Variants in PCSK1 observed in about 807,000 individuals in gnomAD.
PCSK1 encodes the protein proprotein convertase subtilisin/kexin type 1, also known as neuroendocrine convertase 1.
Under a neutral mutation model 90.6 loss-of-function variants are expected in PCSK1, and 56 were observed. That is an observed-to-expected ratio of 0.62 (90% CI 0.50 to 0.77). The LOEUF is 0.77. Among genes scored for constraint, PCSK1 ranks in the 30% least tolerant of loss-of-function variants. The probability of loss-of-function intolerance (pLI) is 0.00; values close to 1 mark genes in which losing one functional copy is unlikely to be tolerated. For synonymous variants in PCSK1, 348 were observed against 342.4 expected (o/e 1.02, Z -0.18); for missense variants, 801 against 932.6 (o/e 0.86, Z 1.84).
intron 5 of PCSK1, among the ~76,000 whole-genome samples, chr5:96,419,963 T>A (rs1761067719): frequency 1.3e-5 from 2 of 151,950 alleles, no homozygotes; most frequent in Admixed American, 1.3e-4. Flanking sequence ...CACTGGATCC[T>A]GGGGCCAGAC....
chr5:96,409,246 C>A (rs188192991), intron 8 of PCSK1, among the ~76,000 whole-genome samples: 1 of 152,064 alleles, frequency 6.6e-6, no homozygotes, highest in Non-Finnish European at 1.5e-5. Flanking sequence ...GCTCCAGCAC[C>A]GAAGTTCTAG....
At chr5:96,409,561 A>G (rs1451864116) in intron 8 of PCSK1, among the ~76,000 whole-genome samples, 3 of 152,210 alleles carry the variant, frequency 2.0e-5, no homozygotes, top group Non-Finnish European at 2.9e-5. Flanking sequence ...AAGATAGAAA[A>G]TCTTTCTTCT....
At chr5:96,415,073 A>T (rs1010130963) in intron 6 of PCSK1, among the ~76,000 whole-genome samples, 6 of 152,220 alleles carry the variant, frequency 3.9e-5, no homozygotes, top group Non-Finnish European at 1.5e-5. Flanking sequence ...ACTAAACTTG[A>T]AGCTTATAAC....
At chr5:96,411,378 T>C (rs1372138189) in intron 7 of PCSK1, among the ~76,000 whole-genome samples, 1 of 152,230 alleles carries the variant, frequency 6.6e-6, no homozygotes, top group Non-Finnish European at 1.5e-5. Flanking sequence ...AATGACAAAA[T>C]TAGGAATTAT....
rs758482985 is a variant in PCSK1, at chr5:96,432,926, G to T, written c.117C>A (p.Ile39=). ...CCGAGGCTGCTTCCGGGCCCCCGGGGATCTCCGCTGCCCATTCATTGACAA... is the reference window on the plus strand; with the variant it reads ...CCGAGGCTGCTTCCGGGCCCCCGGGTATCTCCGCTGCCCATTCATTGACAA... ...RQFVNEWAAE[I]PGGPEAASAI... Residue 39 remains isoleucine (I), a synonymous_variant, in exon 1 of 14, where the codon ATC becomes ATA. Transcript: ENST00000311106. The T allele has an allele frequency of 2.5e-5, 41 of 1,614,172 alleles. No individual in the cohort carries two copies. The highest frequency in any genetic ancestry group is 3.3e-5 in the Non-Finnish European group (39 of 1,180,004).
chr5:96,426,595 A>C (rs3811949), intron 2 of PCSK1, among the ~76,000 whole-genome samples: 1 of 152,214 alleles, frequency 6.6e-6, no homozygotes, highest in South Asian at 2.1e-4. Flanking sequence ...TACCTGCCCC[A>C]TATTTACAGC....
rs776024639 is a variant in PCSK1 at position 96,412,372 on chromosome 5, A to G, written c.828T>C (p.Thr276=). 1.9e-6 allele frequency: 3 copies of G among 1,614,134 alleles called. No individual in the cohort carries two copies. Among genetic ancestry groups the G allele is most frequent in the Admixed American group, 1.7e-5 (1 of 60,004 alleles). ...GGGCTAGCCGGCCAGGCCCCTCCACAGTTTTCCCATCATCATTAGGGCCCC... is the reference window on the plus strand; with the variant it reads ...GGGCTAGCCGGCCAGGCCCCTCCACGGTTTTCCCATCATCATTAGGGCCCC... The part of the protein sequence containing the change: ...ASWGPNDDGK[T]VEGPGRLAQK... Residue 276 remains threonine (T), a synonymous_variant, in exon 7 of 14, where the codon ACT becomes ACC. Coordinates refer to ENST00000311106, the MANE Select transcript of PCSK1 (RefSeq NM_000439.5).
intron 5 of PCSK1, among the ~76,000 whole-genome samples, 155 bp from the exon 6 acceptor site, chr5:96,416,276 T>C (rs1760936587): frequency 6.6e-6 from 1 of 152,254 alleles, no homozygotes; most frequent in African/African-American, 2.4e-5. Flanking sequence ...ATAAAACTTA[T>C]GTTCAGATGA....
intron 1 of PCSK1, among the ~76,000 whole-genome samples, chr5:96,429,956 G>T (rs1761440946): frequency 6.6e-6 from 1 of 152,144 alleles, no homozygotes; most frequent in African/African-American, 2.4e-5. Flanking sequence ...AAATATATCT[G>T]TTCAAAGAAC....
At chr5:96,416,181 A>G (rs1036627283) in intron 5 of PCSK1, 60 bp from the exon 6 acceptor site, 10 of 1,164,536 alleles carry the variant, frequency 8.6e-6, no homozygotes, top group Admixed American at 1.7e-5. Context: ...TGTTTTGCAT[A>G]TGAATGAATT....
rs570262708 is a variant in PCSK1, at chr5:96,400,172, C to T, written c.1211G>A (p.Trp404Ter). The T allele has an allele frequency of 6.2e-7, 1 of 1,613,848 alleles. No homozygotes were observed. The highest frequency in any genetic ancestry group is 1.1e-5 in the South Asian group (1 of 91,068). Residue 404 changes from tryptophan (W) to a stop codon, truncating the protein, a stop_gained, in exon 10 of 14, where the codon TGG becomes TAG. Transcript: ENST00000311106. LOFTEE classifies it high-confidence loss of function. Reference sequence around the variant, plus strand: ...GACAACCAGGTGCTGCATATCTCGCCAGGTGAGATTTGGGCTGGAGGGGAA... The same window carrying T: ...GACAACCAGGTGCTGCATATCTCGCTAGGTGAGATTTGGGCTGGAGGGGAA... ...LALEANPNLT[W>*]RDMQHLVVWT...
intron 6 of PCSK1, among the ~76,000 whole-genome samples, chr5:96,415,537 G>A (rs1157151273): frequency 1.3e-5 from 2 of 152,104 alleles, no homozygotes; most frequent in Admixed American, 6.6e-5. Context: ...TCCCCATAAG[G>A]ACACTGATGA....
In PCSK1 at chr5:96,411,250, A is replaced by C. The variant is rs112029682; in HGVS notation, c.883-264T>G. On this transcript the variant is annotated intron_variant, in intron 7 of 13. Transcript: ENST00000311106. ...GCTTTTCTTTCTTATGCAGATTCAT[A>C]ATCTAGCGTTTTGCACTTGCTCATA... Among the ~76,000 whole-genome samples the C allele has an allele frequency of 2.6e-5, 4 of 152,326 alleles. No homozygotes were observed. The East Asian group carries it at 7.7e-4, about 29-fold the overall frequency.
chr5:96,394,739 A>T, intron 13 of PCSK1, 125 bp downstream of exon 13: 1 of 830,150 alleles, frequency 1.2e-6, no homozygotes, highest in Non-Finnish European at 2.1e-6. Flanking sequence ...GTTTACCACT[A>T]TCACTTCTTA....
At chr5:96,415,324 C>T (rs1760905287) in intron 6 of PCSK1, among the ~76,000 whole-genome samples, 1 of 152,184 alleles carries the variant, frequency 6.6e-6, no homozygotes, top group Non-Finnish European at 1.5e-5. Context: ...TGTTGTTGTA[C>T]TCAAGGCCTA....
intron 3 of PCSK1, 57 bp from the exon 4 acceptor site, chr5:96,423,516 G>T (rs1761191009): frequency 1.3e-6 from 2 of 1,533,808 alleles, no homozygotes; most frequent in South Asian, 2.2e-5. Flanking sequence ...GCTACAAAAT[G>T]GGCACTTCAG....
intron 1 of PCSK1, among the ~76,000 whole-genome samples, chr5:96,432,428 A>G (rs1335833411): frequency 1.3e-5 from 2 of 152,162 alleles, no homozygotes; most frequent in Non-Finnish European, 2.9e-5. Context: ...TGATGCTGCC[A>G]TATTGAAAAG....
At chr5:96,393,467 C>G (rs1185158822) in intron 13 of PCSK1, 89 bp from the exon 14 acceptor site, 3 of 1,483,152 alleles carry the variant, frequency 2.0e-6, no homozygotes, top group Non-Finnish European at 2.8e-6. Context: ...AGGAACGCTG[C>G]CTGCCGCTTG....
chr5:96,396,639 C>T (rs1355056684), intron 12 of PCSK1, among the ~76,000 whole-genome samples: 1 of 151,760 alleles, frequency 6.6e-6, no homozygotes, highest in African/African-American at 2.4e-5. Context: ...CAGAAGAACT[C>T]AGAGCCAAAA....
Sources: gnomAD v4.1 joint callset for allele counts (sites outside exome capture counted in the v4.1 genomes callset) on GRCh38, gnomAD v4.1.1 for gene constraint, MANE v1.5 for transcripts, NCBI Gene and HGNC (gene_info 2026-07-23, HGNC 2026-07-21) for gene names.